The following ELMO1 variants were observed in gnomAD, a reference collection of about 807,000 sequenced individuals.
ELMO1 encodes engulfment and cell motility protein 1.
Under a neutral mutation model 98.9 loss-of-function variants are expected in ELMO1, and 26 were observed. The observed-to-expected ratio is 0.26, with a 90% CI of 0.19 to 0.36. The LOEUF (loss-of-function observed/expected upper bound fraction) is 0.36, where lower values mean the gene tolerates loss of function less well. Among genes scored for constraint, ELMO1 ranks in the 10% least tolerant of loss-of-function variants. The pLI is 1.00. For missense variants in ELMO1, 627 were observed against 935.2 expected (o/e 0.67, Z 4.30); for synonymous variants, 346 against 346.0 (o/e 1.00, Z 0.00).
chr7:37,303,051 T>G (rs1410540879), intron 4 of ELMO1, among the ~76,000 whole-genome samples: 3 of 152,188 alleles, frequency 2.0e-5, no homozygotes, highest in Admixed American at 6.5e-5. Context: ...TTTTTGGTCT[T>G]TTTCATGCCT....
intron 1 of ELMO1, among the ~76,000 whole-genome samples, chr7:37,391,006 C>CCCTT (rs56315543): frequency 0.25 from 32,334 of 129,768 alleles, 4,520 homozygotes; most frequent in Non-Finnish European, 0.3. Flanking sequence ...GGAAAGTAGT[C>CCCTT]CCTTCCTTCC....
At chr7:37,210,638 A>G (rs1792909698) in intron 13 of ELMO1, among the ~76,000 whole-genome samples, 1 of 151,788 alleles carries the variant, frequency 6.6e-6, no homozygotes, top group South Asian at 2.1e-4. Flanking sequence ...ATTTTTTTCC[A>G]AGGAAAGAGT....
At chr7:37,226,467 G>A (rs972749987) in intron 8 of ELMO1, among the ~76,000 whole-genome samples, 5 of 152,092 alleles carry the variant, frequency 3.3e-5, no homozygotes, top group Non-Finnish European at 4.4e-5. Context: ...GTCACACTGT[G>A]TTCAGGGTTT....
chr7:36,876,267 T>C (rs1482691865), intron 19 of ELMO1, among the ~76,000 whole-genome samples: 1 of 152,172 alleles, frequency 6.6e-6, no homozygotes, highest in Non-Finnish European at 1.5e-5. Flanking sequence ...AGGGCTAATT[T>C]AGTTTAGCAG....
chr7:37,122,862 C>T (rs573262729), intron 14 of ELMO1, among the ~76,000 whole-genome samples: 1 of 152,184 alleles, frequency 6.6e-6, no homozygotes, highest in South Asian at 2.1e-4. Context: ...ACACCTAGTC[C>T]AAAATTGACC....
intron 1 of ELMO1, among the ~76,000 whole-genome samples, chr7:37,363,705 G>A (rs1801788169): frequency 6.6e-6 from 1 of 152,056 alleles, no homozygotes; most frequent in African/African-American, 2.4e-5. Context: ...TGCTAGAAGG[G>A]GAAAAATAAA....
At chr7:37,073,553 T>A (rs1175820989) in intron 15 of ELMO1, among the ~76,000 whole-genome samples, 2 of 151,608 alleles carry the variant, frequency 1.3e-5, no homozygotes, top group Admixed American at 1.3e-4. Flanking sequence ...AAGCATCTGG[T>A]TTTTATTGTT....
chr7:37,168,694 G>A (rs1212349847), intron 13 of ELMO1, among the ~76,000 whole-genome samples: 7 of 152,142 alleles, frequency 4.6e-5, no homozygotes, highest in South Asian at 2.1e-4. Flanking sequence ...TCGTTCCTCT[G>A]GAAGTTTTGT....
chr7:37,343,573 T>G (rs1583592055), intron 1 of ELMO1, among the ~76,000 whole-genome samples: 1 of 149,446 alleles, frequency 6.7e-6, no homozygotes, highest in Non-Finnish European at 1.5e-5. Context: ...CCTCCACCTC[T>G]TGAGTCCAAG....
intron 15 of ELMO1, among the ~76,000 whole-genome samples, chr7:37,066,099 A>T (rs530975393): frequency 3.9e-5 from 6 of 152,312 alleles, no homozygotes; most frequent in Admixed American, 1.3e-4. Flanking sequence ...ACCTTCAGCC[A>T]TGACTGTGAG....
chr7:37,253,430 A>T (rs1469087329), intron 6 of ELMO1, among the ~76,000 whole-genome samples: 1 of 152,198 alleles, frequency 6.6e-6, no homozygotes, highest in African/African-American at 2.4e-5. Context: ...CTTTGCAGGG[A>T]CATGGATGAA....
chr7:37,384,027 G>C (rs1441994673), intron 1 of ELMO1, among the ~76,000 whole-genome samples: 1 of 152,162 alleles, frequency 6.6e-6, no homozygotes, highest in East Asian at 1.9e-4. Context: ...GTGTTAGCCA[G>C]GATGGTCTCG....
chr7:37,442,815 T>C (rs1805462320), intron 1 of ELMO1, among the ~76,000 whole-genome samples: 1 of 152,174 alleles, frequency 6.6e-6, no homozygotes, highest in South Asian at 2.1e-4. Context: ...CACTGCAGCA[T>C]AGCTCCACAT....
At chr7:37,169,791 T>G (rs1175760385) in intron 13 of ELMO1, among the ~76,000 whole-genome samples, 1 of 152,222 alleles carries the variant, frequency 6.6e-6, no homozygotes, top group Non-Finnish European at 1.5e-5. Flanking sequence ...AGCTTTTGCT[T>G]TTGACTTGGC....
intron 9 of ELMO1, among the ~76,000 whole-genome samples, chr7:37,224,547 G>A (rs1793763638): frequency 6.6e-6 from 1 of 152,158 alleles, no homozygotes; most frequent in Admixed American, 6.5e-5. Context: ...GTTTAAGAAA[G>A]AGAACTTAAG....
chr7:37,090,570 G>A (rs544053740), intron 15 of ELMO1, among the ~76,000 whole-genome samples: 39 of 152,180 alleles, frequency 2.6e-4, no homozygotes, highest in Non-Finnish European at 5.0e-4. Flanking sequence ...GAACCTCCAG[G>A]TCTTCTAGCC....
At position 37,260,514 on chromosome 7, in the gene ELMO1, G is replaced by A. The variant is rs141744187; in HGVS notation, c.244-1164C>T. Among the ~76,000 whole-genome samples, 373 of 152,208 alleles carry A rather than the reference G, an allele frequency of 2.5e-3. 3 individuals are homozygous for A. Among genetic ancestry groups the A allele is most frequent in the African/African-American group, 8.6e-3 (357 of 41,532 alleles). On this transcript the variant is annotated intron_variant, in intron 5 of 21. Coordinates refer to ENST00000310758, the MANE Select transcript of ELMO1 (RefSeq NM_014800.11). Reference sequence around the variant, plus strand: ...GGGAGGGAATCCATGCAGGTCCTAAGAGCAGAAAGACTCCACCCCAGCAGG... The same window carrying A: ...GGGAGGGAATCCATGCAGGTCCTAAAAGCAGAAAGACTCCACCCCAGCAGG...
intron 1 of ELMO1, among the ~76,000 whole-genome samples, chr7:37,383,086 AATTAAC>A (rs1802645192): frequency 6.6e-6 from 1 of 152,250 alleles, no homozygotes; most frequent in South Asian, 2.1e-4. Context: ...AAAATCAGGA[AATTAAC>A]ATTGATACAC....
chr7:37,276,715 C>T (rs1240407793), intron 4 of ELMO1, among the ~76,000 whole-genome samples: 1 of 152,226 alleles, frequency 6.6e-6, no homozygotes, highest in Non-Finnish European at 1.5e-5. Context: ...ATAGTACAAT[C>T]TATGTTACAC....
Sources: allele counts gnomAD v4.1 joint callset (sites outside exome capture counted in the v4.1 genomes callset), GRCh38; gene constraint gnomAD v4.1.1; transcripts MANE v1.5; gene names NCBI Gene and HGNC (gene_info 2026-07-23, HGNC 2026-07-21).